Variants in LUZP2 observed in about 807,000 individuals in gnomAD.
The protein encoded by LUZP2 is leucine zipper protein 2.
In LUZP2, 52 loss-of-function variants were observed where a neutral mutation model predicts 51.6. The observed-to-expected ratio is 1.01, with a 90% CI of 0.81 to 1.27. The LOEUF is 1.27. Ranked by LOEUF, LUZP2 falls within the 50% of genes most tolerant of loss-of-function variation. LUZP2 has a pLI of 0.00. For missense variants in LUZP2, 436 were observed against 395.4 expected (o/e 1.10, Z -0.87); for synonymous variants, 154 against 137.3 (o/e 1.12, Z -0.85).
Position 24,729,277 on chromosome 11 carries a change from CA to C in LUZP2, c.173del (p.Asn58IlefsTer5), listed in dbSNP as rs774914549. Reference protein sequence around the residue: ...TSRELDGIKVNLQSLKNDEQS... With the variant: ...TSRELDGIKVXLQSLKNDEQS... ...CAAGAGAACTTGATGGAATTAAAGT[CA>C]ATCTTCAGGTGAGATGAGAACTCAT... On this transcript the variant is annotated frameshift_variant, in exon 2 of 12. Coordinates refer to ENST00000336930, the MANE Select transcript of LUZP2 (RefSeq NM_001009909.4). LOFTEE classifies it high-confidence loss of function. 2 of 1,533,468 alleles carry C rather than the reference CA, an allele frequency of 1.3e-6. No homozygotes were observed. Among genetic ancestry groups the C allele is most frequent in the East Asian group, 4.7e-5 (2 of 42,782 alleles). 95.0% of individuals were successfully genotyped at this position (1,533,468 alleles called of 1,614,324 possible).
chr11:24,988,742 A>G (rs1308773241), intron 9 of LUZP2, among the ~76,000 whole-genome samples: 3 of 152,016 alleles, frequency 2.0e-5, no homozygotes, highest in Non-Finnish European at 4.4e-5. Flanking sequence ...ACATTTAATA[A>G]CTATGTATTA....
At chr11:24,823,790 A>C (rs573308039) in intron 5 of LUZP2, among the ~76,000 whole-genome samples, 13 of 152,288 alleles carry the variant, frequency 8.5e-5, no homozygotes, top group African/African-American at 3.1e-4. Flanking sequence ...ACGGCCAGGC[A>C]TGGTGGTTCA....
In LUZP2 at chr11:24,785,851, C is replaced by A. The variant is rs112336487; in HGVS notation, c.396+22543C>A. 1.7e-4 allele frequency: 171 copies of A among 985,256 alleles called. 1 individual carries two copies. The African/African-American group carries it at 2.8e-3, about 16-fold the overall frequency. 61.0% of individuals were successfully genotyped at this position (985,256 alleles called of 1,614,324 possible). On this transcript the variant is annotated intron_variant, in intron 5 of 11. Transcript: ENST00000336930. ...CAGGCTTCAAGAGGCTATGCTGACT[C>A]TGGGAAATTGCTCTGTTTCTCCCTA...
intron 7 of LUZP2, among the ~76,000 whole-genome samples, chr11:24,961,995 C>T: frequency 6.6e-6 from 1 of 151,038 alleles, no homozygotes; most frequent in Non-Finnish European, 1.5e-5. Context: ...TTTATTTCTC[C>T]TTCACTTATG....
intron 5 of LUZP2, among the ~76,000 whole-genome samples, chr11:24,841,495 T>A (rs1851032268): frequency 6.6e-6 from 1 of 151,942 alleles, no homozygotes; most frequent in Admixed American, 6.6e-5. Context: ...TCAAAAAAGG[T>A]AAAGTGGTAG....
intron 1 of LUZP2, among the ~76,000 whole-genome samples, chr11:24,598,953 TTTG>T (rs201940250): frequency 3.9e-5 from 6 of 152,172 alleles, no homozygotes; most frequent in Non-Finnish European, 5.9e-5. Flanking sequence ...GGCCAAATGT[TTTG>T]TTGTTGTTGT....
chr11:24,747,183 T>C (rs895313335), intron 4 of LUZP2, among the ~76,000 whole-genome samples: 7 of 152,208 alleles, frequency 4.6e-5, no homozygotes, highest in African/African-American at 1.4e-4. Flanking sequence ...GGCTCTGTCA[T>C]AGAAAAGGTC....
At chr11:24,720,243 T>C (rs928677081) in intron 1 of LUZP2, among the ~76,000 whole-genome samples, 7 of 127,250 alleles carry the variant, frequency 5.5e-5, no homozygotes, top group African/African-American at 1.7e-4. Context: ...TTTCAGATAA[T>C]AGAAAAAAAA....
chr11:24,876,783 GTT>G (rs149986093), intron 5 of LUZP2, among the ~76,000 whole-genome samples: 8,026 of 152,046 alleles, frequency 0.053, 536 homozygotes, highest in African/African-American at 0.16. Flanking sequence ...TTGAGAAGTG[GTT>G]TGTAGTTCTC....
chr11:24,955,034 G>A (rs756786142), intron 7 of LUZP2, among the ~76,000 whole-genome samples: 10 of 151,904 alleles, frequency 6.6e-5, no homozygotes, highest in Non-Finnish European at 1.3e-4. Flanking sequence ...TATAAAGAAG[G>A]CCAAAGAGAA....
chr11:24,819,864 C>T (rs12795618), intron 5 of LUZP2, among the ~76,000 whole-genome samples: 60,032 of 151,872 alleles, frequency 0.4, 12,093 homozygotes, highest in African/African-American at 0.44. Context: ...CACAATGAGG[C>T]TCTTCATTTT....
chr11:24,747,151 T>C (rs142682582), intron 4 of LUZP2, among the ~76,000 whole-genome samples: 22 of 152,300 alleles, frequency 1.4e-4, no homozygotes, highest in African/African-American at 5.1e-4. Flanking sequence ...GTGTTGGTCT[T>C]CTGGTTCCTT....
At chr11:24,941,124 A>C (rs1387229466) in intron 7 of LUZP2, among the ~76,000 whole-genome samples, 1 of 152,172 alleles carries the variant, frequency 6.6e-6, no homozygotes, top group Non-Finnish European at 1.5e-5. Flanking sequence ...AGCCATCATG[A>C]GTCCCCTCAT....
At chr11:24,916,981 C>T (rs1466932390) in intron 7 of LUZP2, among the ~76,000 whole-genome samples, 2 of 152,174 alleles carry the variant, frequency 1.3e-5, no homozygotes, top group African/African-American at 4.8e-5. Context: ...TTCTCCACAT[C>T]CTCTCCAGCA....
At chr11:25,008,518 C>T (rs1419082285) in intron 9 of LUZP2, among the ~76,000 whole-genome samples, 1 of 152,144 alleles carries the variant, frequency 6.6e-6, no homozygotes, top group East Asian at 1.9e-4. Flanking sequence ...TTTGGTTCCT[C>T]CATTTGCAGC....
At chr11:24,699,431 T>A (rs1160858893) in intron 1 of LUZP2, among the ~76,000 whole-genome samples, 1 of 152,124 alleles carries the variant, frequency 6.6e-6, no homozygotes, top group African/African-American at 2.4e-5. Flanking sequence ...CATTTTGGAA[T>A]TAAAATTGAC....
Position 24,654,385 on chromosome 11 carries a change from AT to A in LUZP2, c.63-74775del, listed in dbSNP as rs201553997. On this transcript the variant is annotated intron_variant, in intron 1 of 11. Coordinates refer to ENST00000336930, the MANE Select transcript of LUZP2 (RefSeq NM_001009909.4). Reference sequence around the variant, plus strand: ...AGTGATGATTTAACTTATTAAACAAATTTTTTTTTCTTTTTTCTTTTGTTTT... The same window carrying A: ...AGTGATGATTTAACTTATTAAACAAATTTTTTTTCTTTTTTCTTTTGTTTT... Among the ~76,000 whole-genome samples the A allele has an allele frequency of 9.9e-5, 15 of 151,364 alleles. No homozygotes were observed. In the South Asian group the frequency reaches 1.7e-3, roughly 17 times the overall value.
chr11:25,051,089 C>G (rs1167349387), intron 10 of LUZP2, among the ~76,000 whole-genome samples: 1 of 152,038 alleles, frequency 6.6e-6, no homozygotes, highest in Admixed American at 6.6e-5. Flanking sequence ...AATCAGGCTG[C>G]AGCTAAAAAT....
intron 1 of LUZP2, among the ~76,000 whole-genome samples, chr11:24,525,955 T>G (rs1198060656): frequency 1.3e-5 from 2 of 151,348 alleles, no homozygotes; most frequent in Non-Finnish European, 3.0e-5. Context: ...TTGTGATACA[T>G]CTATAGAATA....
Sources: allele counts gnomAD v4.1 joint callset (sites outside exome capture counted in the v4.1 genomes callset), GRCh38; gene constraint gnomAD v4.1.1; transcripts MANE v1.5; gene names NCBI Gene and HGNC (gene_info 2026-07-23, HGNC 2026-07-21).